Variants in MAP2K4 observed in about 807,000 individuals in gnomAD.
MAP2K4 encodes dual specificity mitogen-activated protein kinase kinase 4.
MAP2K4 carries 4 observed loss-of-function variants against 48.5 expected under a neutral mutation model. The observed-to-expected ratio is 0.08, with a 90% CI of 0.04 to 0.19. MAP2K4 has a LOEUF of 0.19. MAP2K4 is among the 10% of genes least tolerant of loss of function. The pLI, the probability that MAP2K4 is intolerant of heterozygous loss-of-function variation, is 1.00. For synonymous variants in MAP2K4, 166 were observed against 173.1 expected, an observed-to-expected ratio of 0.96 and a Z score of 0.32; for missense variants, 258 against 493.3, an observed-to-expected ratio of 0.52 and a Z score of 4.52.
At chr17:12,094,058 G>A (rs1413967140) in intron 3 of MAP2K4, among the ~76,000 whole-genome samples, 1 of 152,080 alleles carries the variant, frequency 6.6e-6, no homozygotes, top group Non-Finnish European at 1.5e-5. Context: ...TAATCAAAAT[G>A]AGAAAGAAGG....
At chr17:12,100,297 A>G in intron 4 of MAP2K4, among the ~76,000 whole-genome samples, 1 of 152,178 alleles carries the variant, frequency 6.6e-6, no homozygotes, top group East Asian at 1.9e-4. Flanking sequence ...GTATTTTTCT[A>G]GATTTTATGT....
rs1053006065 is a variant in MAP2K4, at chr17:12,142,567, A to G, written c.*1307A>G. The stretch of plus-strand genomic sequence containing the variant: ...CCGATGTGGTAGGTGATAAAGAGGC[A>G]TCTTTTCTAGAGACACATTGGACCA... On this transcript the variant is annotated 3_prime_UTR_variant, in exon 11 of 11. Transcript: ENST00000353533. 29 of 233,044 alleles carry G rather than the reference A, an allele frequency of 1.2e-4. No individual in the cohort carries two copies. Among genetic ancestry groups the G allele is most frequent in the Admixed American group, 1.7e-4 (3 of 17,766 alleles). 14.4% of individuals were successfully genotyped at this position (233,044 alleles called of 1,614,324 possible).
intron 3 of MAP2K4, among the ~76,000 whole-genome samples, chr17:12,095,178 A>G (rs550804055): frequency 2.0e-5 from 3 of 152,330 alleles, no homozygotes; most frequent in African/African-American, 7.2e-5. Context: ...ATTGCATACA[A>G]TTTTGAAACG....
intron 1 of MAP2K4, among the ~76,000 whole-genome samples, chr17:12,047,802 A>G (rs920069589): frequency 5.3e-5 from 8 of 152,156 alleles, no homozygotes; most frequent in Admixed American, 1.3e-4. Context: ...GTTTGCCACT[A>G]TTATAGCATA....
chr17:12,051,127 C>T (rs911637499), intron 1 of MAP2K4, among the ~76,000 whole-genome samples: 5 of 152,132 alleles, frequency 3.3e-5, no homozygotes, highest in African/African-American at 1.2e-4. Context: ...AGCCTCTGGG[C>T]CAGCTGCAAT....
At position 12,128,357 on chromosome 17, in the gene MAP2K4, G is replaced by A. The variant is rs552942693; in HGVS notation, c.892-782G>A. Among the ~76,000 whole-genome samples the A allele has an allele frequency of 2.2e-4, 33 of 152,340 alleles. 1 individual carries two copies. The South Asian group carries it at 6.0e-3, about 28-fold the overall frequency. On this transcript the variant is annotated intron_variant, in intron 8 of 10. Transcript: ENST00000353533. ...ATCCCAAAGTGGTGGGATTACAGGC[G>A]TGAGCCACTGTGCCCGGCCTAATTG...
At chr17:12,123,305 C>T (rs557259874) in intron 7 of MAP2K4, among the ~76,000 whole-genome samples, 17 of 152,326 alleles carry the variant, frequency 1.1e-4, no homozygotes, top group South Asian at 1.0e-3. Flanking sequence ...AGGTTATTCA[C>T]ACTTTGATAT....
chr17:12,082,585 A>G (rs1033852254), intron 3 of MAP2K4, among the ~76,000 whole-genome samples: 1 of 152,230 alleles, frequency 6.6e-6, no homozygotes, highest in African/African-American at 2.4e-5. Context: ...CTTTCTGTGT[A>G]GAAGTCTGTT....
At chr17:12,121,599 C>T (rs1364491184) in intron 7 of MAP2K4, among the ~76,000 whole-genome samples, 16 of 148,672 alleles carry the variant, frequency 1.1e-4, no homozygotes, top group Admixed American at 9.4e-4. Context: ...AAAAAAGATT[C>T]CACATTGATT....
At chr17:12,040,287 GT>G (rs1396352496) in intron 1 of MAP2K4, among the ~76,000 whole-genome samples, 3 of 143,250 alleles carry the variant, frequency 2.1e-5, no homozygotes, top group African/African-American at 7.5e-5. Context: ...CAAAATTTGT[GT>G]TTGGGGCATA....
At chr17:12,027,910 C>T (rs1598014855) in intron 1 of MAP2K4, among the ~76,000 whole-genome samples, 2 of 151,924 alleles carry the variant, frequency 1.3e-5, no homozygotes, top group South Asian at 4.2e-4. Context: ...CTGGTGAGCA[C>T]CAGAAAGATA....
intron 2 of MAP2K4, among the ~76,000 whole-genome samples, chr17:12,055,392 A>C (rs1485958704): frequency 6.6e-6 from 1 of 152,126 alleles, no homozygotes; most frequent in African/African-American, 2.4e-5. Flanking sequence ...CATCTTAGTT[A>C]ACATAAAGCA....
chr17:12,047,026 C>T (rs1242997513), intron 1 of MAP2K4, among the ~76,000 whole-genome samples: 6 of 151,990 alleles, frequency 3.9e-5, no homozygotes, highest in African/African-American at 1.4e-4. Flanking sequence ...CTTTTGTTGT[C>T]AAAGCAGTAC....
chr17:12,038,195 C>A (rs958348688), intron 1 of MAP2K4, among the ~76,000 whole-genome samples: 1 of 152,014 alleles, frequency 6.6e-6, no homozygotes, highest in Non-Finnish European at 1.5e-5. Flanking sequence ...CAACTGAATC[C>A]AGTTAAAGTG....
At chr17:12,074,640 TC>T (rs1970935857) in intron 2 of MAP2K4, among the ~76,000 whole-genome samples, 1 of 152,166 alleles carries the variant, frequency 6.6e-6, no homozygotes, top group African/African-American at 2.4e-5. Context: ...CATCCGCTGA[TC>T]AAGGAGGGCC....
intron 1 of MAP2K4, among the ~76,000 whole-genome samples, chr17:12,047,417 G>A (rs901028423): frequency 6.6e-6 from 1 of 152,118 alleles, no homozygotes; most frequent in South Asian, 2.1e-4. Flanking sequence ...AATCCCATTT[G>A]GCAGGTATGG....
At chr17:12,074,343 T>C (rs1480994675) in intron 2 of MAP2K4, among the ~76,000 whole-genome samples, 1 of 152,198 alleles carries the variant, frequency 6.6e-6, no homozygotes, top group Non-Finnish European at 1.5e-5. Context: ...ATGGCTGTTT[T>C]TGTATTTTCA....
rs562708801 is a variant in MAP2K4 at position 12,104,031 on chromosome 17, C to G, written c.514-3759C>G. Among the ~76,000 whole-genome samples, 43 of 152,144 alleles carry G rather than the reference C, an allele frequency of 2.8e-4. 1 individual carries two copies. The highest frequency in any genetic ancestry group is 1.0e-3 in the African/African-American group (42 of 41,516). ...AGGTTACAGATTATTTAGCATATGT[C>G]CCTGGAAATACAGTTACTAAATTTA... On this transcript the variant is annotated intron_variant, in intron 4 of 10. Transcript: ENST00000353533.
At chr17:12,080,418 A>C (rs909122361) in intron 2 of MAP2K4, among the ~76,000 whole-genome samples, 3 of 152,156 alleles carry the variant, frequency 2.0e-5, no homozygotes, top group Admixed American at 6.5e-5. Context: ...AGAGAGAGCA[A>C]GAGAGAGAAA....
Sources: gnomAD v4.1 joint callset for allele counts (sites outside exome capture counted in the v4.1 genomes callset) on GRCh38, gnomAD v4.1.1 for gene constraint, MANE v1.5 for transcripts, NCBI Gene and HGNC (gene_info 2026-07-23, HGNC 2026-07-21) for gene names.